ZFHX3: variants seen among roughly 807,000 people sequenced by gnomAD.
The protein encoded by ZFHX3 is zinc finger homeobox protein 3.
ZFHX3 carries 42 observed loss-of-function variants against 279.1 expected under a neutral mutation model. The ratio of observed to expected loss-of-function variants is 0.15; its 90% CI spans 0.12 to 0.19. The LOEUF (loss-of-function observed/expected upper bound fraction) is 0.19, where lower values mean the gene tolerates loss of function less well. Ranked by LOEUF, ZFHX3 falls within the 10% of genes least tolerant of loss-of-function variation. The pLI, the probability that ZFHX3 is intolerant of heterozygous loss-of-function variation, is 1.00. For missense variants in ZFHX3, 4,981 were observed against 4,754.0 expected, an observed-to-expected ratio of 1.05 and a Z score of -1.40; for synonymous variants, 2,293 against 1,957.8, an observed-to-expected ratio of 1.17 and a Z score of -4.52.
At chr16:73,152,518 A>C (rs1470919568) in intron 5 of ZFHX3, among the ~76,000 whole-genome samples, 1 of 152,144 alleles carries the variant, frequency 6.6e-6, no homozygotes, top group Non-Finnish European at 1.5e-5. Context: ...AGTTGTTTAG[A>C]TTTAAATGAT....
At chr16:72,810,452 T>C (rs2036411515) in intron 7 of ZFHX3, among the ~76,000 whole-genome samples, 1 of 152,204 alleles carries the variant, frequency 6.6e-6, no homozygotes, top group Non-Finnish European at 1.5e-5. Context: ...TCCCAAAGTG[T>C]TGGGATTACA....
intron 5 of ZFHX3, among the ~76,000 whole-genome samples, chr16:73,176,946 T>A (rs554171372): frequency 6.6e-6 from 1 of 152,118 alleles, no homozygotes; most frequent in East Asian, 1.9e-4. Context: ...ATTTGCAGCA[T>A]CAGCATGACT....
intron 5 of ZFHX3, among the ~76,000 whole-genome samples, chr16:72,819,281 G>C (rs2036709907): frequency 7.4e-6 from 1 of 136,008 alleles, no homozygotes; most frequent in Non-Finnish European, 1.5e-5. Context: ...CCCTATGCCT[G>C]TCATACACCT....
chr16:72,922,485 T>C (rs1452822344), intron 3 of ZFHX3, among the ~76,000 whole-genome samples: 1 of 152,138 alleles, frequency 6.6e-6, no homozygotes, highest in African/African-American at 2.4e-5. Context: ...GACAAATCCT[T>C]ACCTCTAGCA....
chr16:72,984,627 A>AC (rs1962765494), intron 1 of ZFHX3, among the ~76,000 whole-genome samples: 1 of 106,888 alleles, frequency 9.4e-6, no homozygotes, highest in Non-Finnish European at 2.3e-5. Flanking sequence ...CTCTGACTCA[A>AC]AAAAAAAAAA....
intron 2 of ZFHX3, among the ~76,000 whole-genome samples, chr16:73,648,836 A>ATCAGC (rs2052644850): frequency 6.6e-6 from 1 of 152,198 alleles, no homozygotes; most frequent in South Asian, 2.1e-4. Flanking sequence ...CTCTGCACCA[A>ATCAGC]TCAGCTCTTT....
At chr16:73,338,566 G>A (rs982745576) in intron 3 of ZFHX3, among the ~76,000 whole-genome samples, 6 of 151,904 alleles carry the variant, frequency 3.9e-5, no homozygotes, top group African/African-American at 1.5e-4. Flanking sequence ...ACAGTATCCC[G>A]AAATATGATC....
At chr16:73,736,734 T>C (rs762660684) in intron 1 of ZFHX3, among the ~76,000 whole-genome samples, 2 of 152,238 alleles carry the variant, frequency 1.3e-5, no homozygotes, top group African/African-American at 4.8e-5. Context: ...CGATTTCACC[T>C]ATGCACAGTT....
At chr16:73,426,040 T>C (rs1016115331) in intron 3 of ZFHX3, among the ~76,000 whole-genome samples, 3 of 152,142 alleles carry the variant, frequency 2.0e-5, no homozygotes, top group Non-Finnish European at 4.4e-5. Context: ...AGCCAACCCA[T>C]AGCACTCACC....
intron 6 of ZFHX3, chr16:73,131,188 C>A (rs111628042): frequency 2.3e-5 from 9 of 387,774 alleles, no homozygotes; most frequent in South Asian, 1.8e-4. Context: ...CACAAGTCAA[C>A]GCACAGCATT....
intron 5 of ZFHX3, among the ~76,000 whole-genome samples, chr16:73,183,477 T>C (rs1967845487): frequency 1.3e-5 from 2 of 152,174 alleles, no homozygotes; most frequent in South Asian, 4.1e-4. Flanking sequence ...TAAAGTGAGG[T>C]GGGTGTTTCT....
At chr16:72,906,976 G>A (rs1032730206) in intron 3 of ZFHX3, among the ~76,000 whole-genome samples, 1 of 152,142 alleles carries the variant, frequency 6.6e-6, no homozygotes, top group South Asian at 2.1e-4. Context: ...TTTATGTGAC[G>A]CGTGCACAGT....
rs189166581 is a variant in ZFHX3, at chr16:73,690,061, G to A, written c.-1607-9821C>T. Among the ~76,000 whole-genome samples, 377 of 152,222 alleles carry A rather than the reference G, an allele frequency of 2.5e-3. 1 individual carries two copies. Among genetic ancestry groups the A allele is most frequent in the African/African-American group, 8.7e-3 (360 of 41,532 alleles). On this transcript the variant is annotated intron_variant, in intron 1 of 17. Coordinates refer to the ZFHX3 transcript ENST00000641206. Reference sequence around the variant, plus strand: ...CTCCTGAGTAGCTGGGATTACAGGTGCACACCACACGTCTGGCTAATTTTT... The same window carrying A: ...CTCCTGAGTAGCTGGGATTACAGGTACACACCACACGTCTGGCTAATTTTT...
rs144199685 is a variant in ZFHX3, at chr16:73,366,679, T to C, written c.-1290-48343A>G. On this transcript the variant is annotated intron_variant, in intron 3 of 17. Coordinates refer to the ZFHX3 transcript ENST00000641206. ...AGAGTAGCCCACAAATTCCATTAAT[T>C]ACGTGATATTGTTGGCAAAAGTATG... Among the ~76,000 whole-genome samples the C allele has an allele frequency of 4.9e-4, 74 of 152,058 alleles. 1 individual carries two copies. Among genetic ancestry groups the C allele is most frequent in the African/African-American group, 1.7e-3 (70 of 41,482 alleles).
At chr16:73,673,953 G>A (rs1379719083) in intron 2 of ZFHX3, among the ~76,000 whole-genome samples, 1 of 152,126 alleles carries the variant, frequency 6.6e-6, no homozygotes, top group African/African-American at 2.4e-5. Context: ...TAAGTCAGGT[G>A]ACGAACACCA....
At chr16:73,300,697 T>C (rs2015035016) in intron 4 of ZFHX3, among the ~76,000 whole-genome samples, 1 of 152,042 alleles carries the variant, frequency 6.6e-6, no homozygotes, top group Non-Finnish European at 1.5e-5. Flanking sequence ...AGAGACGGAG[T>C]TTTGCCATGT....
At chr16:73,873,882 A>G (rs1184644716) in intron 1 of ZFHX3, among the ~76,000 whole-genome samples, 1 of 152,198 alleles carries the variant, frequency 6.6e-6, no homozygotes, top group Non-Finnish European at 1.5e-5. Flanking sequence ...TCAGATAAAA[A>G]TCATACAGAA....
chr16:73,642,647 A>G (rs893417991), intron 2 of ZFHX3, among the ~76,000 whole-genome samples: 3 of 152,174 alleles, frequency 2.0e-5, no homozygotes, highest in African/African-American at 7.2e-5. Context: ...TTATATAAAT[A>G]CCACATACCT....
chr16:73,265,547 G>A (rs1597251684), intron 4 of ZFHX3, among the ~76,000 whole-genome samples: 1 of 152,244 alleles, frequency 6.6e-6, no homozygotes, highest in East Asian at 1.9e-4. Context: ...CATTGACCAC[G>A]CAGTTTGGAG....
Sources: gnomAD v4.1 joint callset for allele counts (sites outside exome capture counted in the v4.1 genomes callset) on GRCh38, gnomAD v4.1.1 for gene constraint, MANE v1.5 for transcripts, NCBI Gene and HGNC (gene_info 2026-07-23, HGNC 2026-07-21) for gene names.